Variants in VPS41 observed in about 807,000 individuals in gnomAD.
VPS41 encodes VPS41 subunit of HOPS complex, also known as vacuolar protein sorting-associated protein 41 homolog.
A neutral mutation model predicts 130.9 loss-of-function variants in VPS41; 85 were observed. The ratio of observed to expected loss-of-function variants is 0.65; its 90% CI spans 0.55 to 0.78. The LOEUF (loss-of-function observed/expected upper bound fraction) is 0.78. VPS41 is among the 30% of genes least tolerant of loss of function. The pLI, the probability that VPS41 is intolerant of heterozygous loss-of-function variation, is 0.00. For synonymous variants in VPS41, 335 were observed against 332.9 expected, an observed-to-expected ratio of 1.01 and a Z score of -0.07; for missense variants, 874 against 1,018.7, an observed-to-expected ratio of 0.86 and a Z score of 1.93.
chr7:38,843,810 T>C lies in VPS41; in HGVS notation c.247-13482A>G, dbSNP rs191914905. On this transcript the variant is annotated intron_variant, in intron 4 of 28. Transcript: ENST00000310301. Reference sequence around the variant, plus strand: ...TAACTGCCTTATCAGTAACAATTCGTTCCAACTTGAGAAATAATTAGGAAA... The same window carrying C: ...TAACTGCCTTATCAGTAACAATTCGCTCCAACTTGAGAAATAATTAGGAAA... 6.9e-4 allele frequency among the ~76,000 whole-genome samples: 105 copies of C among 152,310 alleles called. 1 individual carries two copies. The highest frequency in any genetic ancestry group is 4.4e-5 in the Non-Finnish European group (3 of 68,028).
intron 2 of VPS41, among the ~76,000 whole-genome samples, chr7:38,873,429 C>T (rs1267909475): frequency 6.7e-6 from 1 of 149,894 alleles, no homozygotes; most frequent in African/African-American, 2.5e-5. Flanking sequence ...TAGAGTTTCT[C>T]TTTAACTAAA....
chr7:38,870,598 T>A (rs1378829455), intron 2 of VPS41, among the ~76,000 whole-genome samples: 4 of 151,700 alleles, frequency 2.6e-5, no homozygotes. Context: ...GTACTAAGGA[T>A]TCAATAAAAT....
At chr7:38,906,413 T>G (rs757765745) in intron 1 of VPS41, among the ~76,000 whole-genome samples, 9 of 151,956 alleles carry the variant, frequency 5.9e-5, no homozygotes, top group Non-Finnish European at 1.5e-5. Context: ...GGCACGATCA[T>G]GGCTCACTGC....
intron 2 of VPS41, among the ~76,000 whole-genome samples, chr7:38,876,064 T>A (rs1364618960): frequency 6.6e-6 from 1 of 152,190 alleles, no homozygotes; most frequent in African/African-American, 2.4e-5. Context: ...TATTTGGCAA[T>A]GTCTAGAGTC....
At chr7:38,735,537 C>A (rs989978756) in intron 25 of VPS41, among the ~76,000 whole-genome samples, 6 of 151,358 alleles carry the variant, frequency 4.0e-5, no homozygotes, top group African/African-American at 1.5e-4. Flanking sequence ...GTGTGTGTGT[C>A]TGTGTGTATG....
intron 4 of VPS41, 65 bp downstream of exon 4, chr7:38,862,480 T>A: frequency 9.7e-7 from 1 of 1,029,234 alleles, no homozygotes; most frequent in Non-Finnish European, 1.5e-6. Flanking sequence ...GGTAAACCAA[T>A]ATTCTAAAAC....
intron 7 of VPS41, among the ~76,000 whole-genome samples, chr7:38,812,873 A>T (rs760755762): frequency 1.4e-4 from 21 of 152,182 alleles, no homozygotes; most frequent in Non-Finnish European, 2.8e-4. Context: ...AATCAAAAAG[A>T]GAAAATAAAA....
chr7:38,745,668 A>ATATT, intron 22 of VPS41, 55 bp from the exon 23 acceptor site: 1 of 1,315,810 alleles, frequency 7.6e-7, no homozygotes, highest in Admixed American at 2.1e-5. Flanking sequence ...AAGAACAAAC[A>ATATT]GTAATAAAGT....
chr7:38,728,082 A>AT (rs897414532), intron 27 of VPS41, among the ~76,000 whole-genome samples: 1 of 151,946 alleles, frequency 6.6e-6, no homozygotes, highest in African/African-American at 2.4e-5. Flanking sequence ...CTACCTATAA[A>AT]TTTTTTTTCC....
At chr7:38,806,080 T>C (rs918015974) in intron 7 of VPS41, among the ~76,000 whole-genome samples, 3 of 152,150 alleles carry the variant, frequency 2.0e-5, no homozygotes, top group African/African-American at 7.2e-5. Context: ...AAAATTCAAA[T>C]ATACTATAAA....
chr7:38,902,593 C>T (rs1041200000), intron 1 of VPS41, among the ~76,000 whole-genome samples: 2 of 152,180 alleles, frequency 1.3e-5, no homozygotes, highest in Admixed American at 6.5e-5. Flanking sequence ...CACTCCACCA[C>T]CCCCACCACT....
intron 25 of VPS41, among the ~76,000 whole-genome samples, chr7:38,736,382 T>C (rs1173842877): frequency 6.6e-6 from 1 of 152,212 alleles, no homozygotes; most frequent in Admixed American, 6.5e-5. Context: ...CAGCCAGACT[T>C]CACAAACACT....
intron 4 of VPS41, among the ~76,000 whole-genome samples, chr7:38,856,177 G>A (rs1286726974): frequency 6.6e-6 from 1 of 152,112 alleles, no homozygotes; most frequent in Non-Finnish European, 1.5e-5. Context: ...GTTTTTAAGA[G>A]ACACAGTCTT....
chr7:38,899,643 T>A (rs545662977), intron 1 of VPS41, among the ~76,000 whole-genome samples: 98 of 152,312 alleles, frequency 6.4e-4, no homozygotes, highest in African/African-American at 2.3e-3. Flanking sequence ...TTATAAACTT[T>A]CCTAACACCA....
At chr7:38,874,225 T>C (rs1430964351) in intron 2 of VPS41, among the ~76,000 whole-genome samples, 1 of 152,176 alleles carries the variant, frequency 6.6e-6, no homozygotes, top group Non-Finnish European at 1.5e-5. Flanking sequence ...TAAAAATGTG[T>C]GTCACATGAA....
At chr7:38,784,388 A>G (rs963644655) in intron 10 of VPS41, among the ~76,000 whole-genome samples, 1 of 152,214 alleles carries the variant, frequency 6.6e-6, no homozygotes, top group Non-Finnish European at 1.5e-5. Context: ...CTGTAATCCC[A>G]GCATGTTGGG....
intron 4 of VPS41, among the ~76,000 whole-genome samples, chr7:38,856,500 G>A (rs992485356): frequency 6.6e-6 from 1 of 152,180 alleles, no homozygotes; most frequent in Non-Finnish European, 1.5e-5. Context: ...CCAGCTCCCA[G>A]AGGCCTCCTG....
At chr7:38,750,592 T>C (rs1406117640) in intron 22 of VPS41, among the ~76,000 whole-genome samples, 1 of 152,226 alleles carries the variant, frequency 6.6e-6, no homozygotes, top group Non-Finnish European at 1.5e-5. Flanking sequence ...CTACAAGGTC[T>C]ACACAAATGC....
chr7:38,733,896 T>G (rs553043039), intron 25 of VPS41, among the ~76,000 whole-genome samples: 1 of 151,980 alleles, frequency 6.6e-6, no homozygotes, highest in South Asian at 2.1e-4. Flanking sequence ...CTGGGCAACA[T>G]AGTGAGACCC....
Sources: allele counts gnomAD v4.1 joint callset (sites outside exome capture counted in the v4.1 genomes callset), GRCh38; gene constraint gnomAD v4.1.1; transcripts MANE v1.5; gene names NCBI Gene and HGNC (gene_info 2026-07-23, HGNC 2026-07-21).